Variants in PPP1R14C observed in about 807,000 individuals in gnomAD.
PPP1R14C encodes the protein protein phosphatase 1 regulatory subunit 14C.
A neutral mutation model predicts 20.4 loss-of-function variants in PPP1R14C; 16 were observed. The ratio of observed to expected loss-of-function variants is 0.78; its 90% confidence interval spans 0.53 to 1.19. The LOEUF (loss-of-function observed/expected upper bound fraction) is 1.19. Ranked by LOEUF, PPP1R14C falls within the 50% of genes most tolerant of loss-of-function variation. The pLI, the probability that PPP1R14C is intolerant of heterozygous loss-of-function variation, is 0.00. For synonymous variants in PPP1R14C, 91 were observed against 91.0 expected (o/e 1.00, Z 0.00); for missense variants, 211 against 220.1 (o/e 0.96, Z 0.26).
chr6:150,218,995 T>TC (rs1778133779), intron 3 of PPP1R14C, among the ~76,000 whole-genome samples: 1 of 152,088 alleles, frequency 6.6e-6, no homozygotes, highest in East Asian at 1.9e-4. Flanking sequence ...TGTTTTTTTT[T>TC]CATTTATTGA....
intron 1 of PPP1R14C, among the ~76,000 whole-genome samples, chr6:150,150,730 C>T (rs528851333): frequency 1.2e-4 from 19 of 152,294 alleles, no homozygotes; most frequent in African/African-American, 4.3e-4. Context: ...CCAGTCTCCT[C>T]CTCTGCAAGC....
intron 1 of PPP1R14C, among the ~76,000 whole-genome samples, chr6:150,184,367 C>T (rs557509415): frequency 1.3e-4 from 20 of 152,258 alleles, no homozygotes; most frequent in African/African-American, 4.3e-4. Flanking sequence ...GTATCTGGCA[C>T]GACAGTCATA....
intron 3 of PPP1R14C, among the ~76,000 whole-genome samples, chr6:150,218,272 C>T (rs773844461): frequency 4.0e-5 from 6 of 151,840 alleles, no homozygotes; most frequent in South Asian, 2.1e-4. Flanking sequence ...GTGTGGTGGC[C>T]GGTGCCTGTA....
intron 1 of PPP1R14C, among the ~76,000 whole-genome samples, chr6:150,144,265 T>C (rs1430285249): frequency 6.6e-6 from 1 of 152,170 alleles, no homozygotes; most frequent in African/African-American, 2.4e-5. Flanking sequence ...ATCTGTCAGC[T>C]TCAGGCTCCC....
At chr6:150,213,530 T>A (rs1778053864) in intron 1 of PPP1R14C, among the ~76,000 whole-genome samples, 1 of 152,204 alleles carries the variant, frequency 6.6e-6, no homozygotes, top group African/African-American at 2.4e-5. Flanking sequence ...GTCCCCAGTG[T>A]CCCCATGTAC....
chr6:150,222,174 G>GGTGGATCATTAGGCACTTAGCAGATGCCA (rs745633112), intron 3 of PPP1R14C, among the ~76,000 whole-genome samples: 1 of 151,346 alleles, frequency 6.6e-6, no homozygotes, highest in Non-Finnish European at 1.5e-5. Context: ...AGCAGATGCC[G>GGTGGATCATTAGGCACTTAGCAGATGCCA]GGTGCTGATC....
rs199838206 is a variant in PPP1R14C, at chr6:150,222,138, A to G, written c.423+5282A>G. On this transcript the variant is annotated intron_variant, in intron 3 of 3. Coordinates refer to ENST00000361131, the MANE Select transcript of PPP1R14C (RefSeq NM_030949.3). ...TAGTGGTGGTAACGATAGCAATGAT[A>G]ATGGCTAAAAGATCACTAGGCACTT... 2.5e-4 allele frequency among the ~76,000 whole-genome samples: 31 copies of G among 124,638 alleles called. No homozygotes were observed. The East Asian group carries it at 5.9e-3, about 24-fold the overall frequency. The allele number at this position is 124,638 out of a possible 152,430, so 81.8% of individuals were successfully genotyped here. A position where few individuals can be genotyped will look rare whatever the true frequency, so the allele number is the denominator to read the frequency against.
At chr6:150,198,247 GCCT>G (rs1777832528) in intron 1 of PPP1R14C, among the ~76,000 whole-genome samples, 1 of 148,944 alleles carries the variant, frequency 6.7e-6, no homozygotes, top group Non-Finnish European at 1.5e-5. Context: ...GTGTGCCCCT[GCCT>G]GCCACGGTGG....
chr6:150,227,446 G>A (rs11752703), intron 3 of PPP1R14C, among the ~76,000 whole-genome samples: 5,297 of 152,276 alleles, frequency 0.035, 131 homozygotes, highest in Middle Eastern at 0.058. Flanking sequence ...GAGCTTATTC[G>A]ATGGTTCTCT....
chr6:150,207,161 C>A (rs969009288), intron 1 of PPP1R14C, among the ~76,000 whole-genome samples: 2 of 152,096 alleles, frequency 1.3e-5, no homozygotes, highest in East Asian at 3.8e-4. Flanking sequence ...CTGTGCCCGG[C>A]CTATTTTGAT....
At chr6:150,232,981 G>T (rs1778311486) in intron 3 of PPP1R14C, among the ~76,000 whole-genome samples, 1 of 152,212 alleles carries the variant, frequency 6.6e-6, no homozygotes, top group South Asian at 2.1e-4. Context: ...GCAGGGACAG[G>T]TTGTAGGAAC....
chr6:150,188,540 G>T (rs1349376375), intron 1 of PPP1R14C, among the ~76,000 whole-genome samples: 1 of 137,152 alleles, frequency 7.3e-6, no homozygotes, highest in East Asian at 2.2e-4. Flanking sequence ...AGGCTGGAGT[G>T]CAGTGAAGTA....
intron 1 of PPP1R14C, among the ~76,000 whole-genome samples, chr6:150,213,896 G>T (rs1389015304): frequency 6.6e-6 from 1 of 152,200 alleles, no homozygotes; most frequent in Non-Finnish European, 1.5e-5. Context: ...TGATAGGCAG[G>T]CTTCAGAGGT....
chr6:150,168,731 A>G (rs1562260136), intron 1 of PPP1R14C, among the ~76,000 whole-genome samples: 1 of 152,172 alleles, frequency 6.6e-6, no homozygotes, highest in Non-Finnish European at 1.5e-5. Flanking sequence ...GGCAGATAAC[A>G]CCAAATAATC....
chr6:150,161,840 G>T (rs764118909), intron 1 of PPP1R14C, among the ~76,000 whole-genome samples: 1 of 152,134 alleles, frequency 6.6e-6, no homozygotes, highest in Non-Finnish European at 1.5e-5. Flanking sequence ...GTCACATTCT[G>T]CATTCCATCC....
Position 150,216,866 on chromosome 6 carries a change from T to C in PPP1R14C, c.423+10T>C. 1 of 1,599,100 alleles carries C rather than the reference T, an allele frequency of 6.3e-7. No individual in the cohort carries two copies. Among genetic ancestry groups the C allele is most frequent in the Non-Finnish European group, 8.5e-7 (1 of 1,171,266 alleles). ...CTACAAACCAACAGAGGTAAGCAAA[T>C]CACTTTTCCTAAATGCCATGTTTGA... On this transcript the variant is annotated intron_variant, in intron 3 of 3. Transcript: ENST00000361131.
At chr6:150,191,056 C>T (rs759905747) in intron 1 of PPP1R14C, among the ~76,000 whole-genome samples, 23 of 152,174 alleles carry the variant, frequency 1.5e-4, no homozygotes, top group South Asian at 1.0e-3. Flanking sequence ...TCTCTGCTCC[C>T]GACATTGGCC....
intron 1 of PPP1R14C, among the ~76,000 whole-genome samples, chr6:150,168,603 A>G (rs1275351656): frequency 6.7e-6 from 1 of 149,914 alleles, no homozygotes; most frequent in Non-Finnish European, 1.5e-5. Context: ...TCCTTAGTGT[A>G]AGTCCTCGCC....
chr6:150,213,896 G>C (rs1389015304), intron 1 of PPP1R14C, among the ~76,000 whole-genome samples: 1 of 152,200 alleles, frequency 6.6e-6, no homozygotes, highest in African/African-American at 2.4e-5. Flanking sequence ...TGATAGGCAG[G>C]CTTCAGAGGT....
Sources: allele counts gnomAD v4.1 joint callset (sites outside exome capture counted in the v4.1 genomes callset), GRCh38; gene constraint gnomAD v4.1.1; transcripts MANE v1.5; gene names NCBI Gene and HGNC (gene_info 2026-07-23, HGNC 2026-07-21).